Variants in PAPPA observed in about 807,000 individuals in gnomAD.
PAPPA encodes pappalysin 1.
Under a neutral mutation model 164.0 loss-of-function variants are expected in PAPPA, and 60 were observed. The ratio of observed to expected loss-of-function variants is 0.37; its 90% CI spans 0.30 to 0.45. PAPPA has a LOEUF of 0.45. PAPPA is among the 20% of genes least tolerant of loss of function. The probability of loss-of-function intolerance (pLI) is 1.00; values close to 1 mark genes in which losing one functional copy is unlikely to be tolerated. For synonymous variants in PAPPA, 875 were observed against 814.1 expected, an observed-to-expected ratio of 1.07 and a Z score of -1.27; for missense variants, 1,782 against 2,087.3, an observed-to-expected ratio of 0.85 and a Z score of 2.85.
intron 9 of PAPPA, among the ~76,000 whole-genome samples, chr9:116,291,211 T>A (rs898062765): frequency 2.0e-5 from 3 of 152,298 alleles, no homozygotes; most frequent in Non-Finnish European, 4.4e-5. Flanking sequence ...GACTGTCAAA[T>A]CTCTTTATTA....
At position 116,154,111 on chromosome 9, in the gene PAPPA, C is replaced by T; in HGVS notation, c.-62C>T. The T allele has an allele frequency of 8.5e-7, 1 of 1,177,930 alleles. No individual in the cohort carries two copies. Among genetic ancestry groups the T allele is most frequent in the South Asian group, 1.6e-5 (1 of 61,394 alleles). 73.0% of individuals were successfully genotyped at this position (1,177,930 alleles called of 1,614,324 possible). A position where few individuals can be genotyped will look rare whatever the true frequency, so the allele number is the denominator to read the frequency against. ...AAGAAAGTCGAGGCGCCGAGGCTCC[C>T]AAAGCTGGCAGCTCCGGGTGGCGGT... On this transcript the variant is annotated 5_prime_UTR_variant, in exon 1 of 22. Coordinates refer to ENST00000328252, the MANE Select transcript of PAPPA (RefSeq NM_002581.5). This position sits in a 1 kb window ranked among gnomAD's most constrained non-coding sequence, Gnocchi z 5.2.
intron 17 of PAPPA, among the ~76,000 whole-genome samples, chr9:116,354,869 G>A (rs1294255732): frequency 6.6e-6 from 1 of 152,022 alleles, no homozygotes; most frequent in Non-Finnish European, 1.5e-5. Context: ...TTAGGATAAA[G>A]TCCCAACTCC....
chr9:116,305,717 A>G (rs1034645573), intron 10 of PAPPA, among the ~76,000 whole-genome samples: 1 of 152,238 alleles, frequency 6.6e-6, no homozygotes, highest in African/African-American at 2.4e-5. Context: ...TACATGGTCC[A>G]TAAGGGAAGA....
chr9:116,207,375 A>T, intron 2 of PAPPA, 81 bp from the exon 3 acceptor site: 2 of 1,187,238 alleles, frequency 1.7e-6, no homozygotes, highest in Non-Finnish European at 2.4e-6. Flanking sequence ...CCTGGCACTC[A>T]TAGTAGCTCT....
intron 9 of PAPPA, among the ~76,000 whole-genome samples, chr9:116,291,929 A>G (rs1845441821): frequency 6.6e-6 from 1 of 152,192 alleles, no homozygotes; most frequent in South Asian, 2.1e-4. Flanking sequence ...GGAGGATTAG[A>G]ATGTGAATTA....
chr9:116,317,639 C>T (rs888689474), intron 10 of PAPPA, among the ~76,000 whole-genome samples: 11 of 152,342 alleles, frequency 7.2e-5, no homozygotes, highest in Admixed American at 1.3e-4. Flanking sequence ...ATGGTGTTTT[C>T]GTATTCTGGT....
At chr9:116,292,383 TG>T (rs1845447507) in intron 9 of PAPPA, among the ~76,000 whole-genome samples, 1 of 152,186 alleles carries the variant, frequency 6.6e-6, no homozygotes, top group Admixed American at 6.5e-5. Flanking sequence ...GCAGTGATGT[TG>T]GCTTGAACTA....
Position 116,227,691 on chromosome 9 carries a change from T to G in PAPPA, c.2233+139T>G, listed in dbSNP as rs914251480. ...GAGTAACATCATCCTGCAAGGTTAG[T>G]AGTCAAGCGCTCATCCATTTGACAA... On this transcript the variant is annotated intron_variant, in intron 6 of 21. Coordinates refer to ENST00000328252, the MANE Select transcript of PAPPA (RefSeq NM_002581.5). 2.2e-5 allele frequency: 20 copies of G among 895,572 alleles called. No individual in the cohort carries two copies. In the African/African-American group the frequency reaches 2.4e-4, roughly 11 times the overall value. The allele number at this position is 895,572 out of a possible 1,614,324, so 55.5% of individuals were successfully genotyped here. A position where few individuals can be genotyped will look rare whatever the true frequency, so the allele number is the denominator to read the frequency against.
At chr9:116,225,806 T>TATCCATCC (rs376275323) in intron 5 of PAPPA, among the ~76,000 whole-genome samples, 146 of 151,420 alleles carry the variant, frequency 9.6e-4, no homozygotes, top group East Asian at 6.2e-3. Flanking sequence ...AAGTGACTGG[T>TATCCATCC]ATCCATCCAT....
At chr9:116,288,174 GC>G (rs1564211552) in intron 9 of PAPPA, among the ~76,000 whole-genome samples, 1 of 152,112 alleles carries the variant, frequency 6.6e-6, no homozygotes, top group African/African-American at 2.4e-5. Context: ...TTTAAGACAA[GC>G]CTGACAAACA....
intron 10 of PAPPA, among the ~76,000 whole-genome samples, chr9:116,307,631 C>A (rs556496158): frequency 6.6e-6 from 1 of 152,036 alleles, no homozygotes; most frequent in South Asian, 2.1e-4. Context: ...AAATACAAAC[C>A]ATACTATACC....
chr9:116,291,782 G>A (rs761461181), intron 9 of PAPPA, among the ~76,000 whole-genome samples: 2 of 151,654 alleles, frequency 1.3e-5, no homozygotes, highest in African/African-American at 2.4e-5. Flanking sequence ...TGTGTTGGTT[G>A]TATGGGAGCA....
At chr9:116,350,771 C>A (rs780621618) in intron 15 of PAPPA, among the ~76,000 whole-genome samples, 9 of 152,120 alleles carry the variant, frequency 5.9e-5, no homozygotes, top group Non-Finnish European at 1.2e-4. Context: ...AAGGGCAATG[C>A]AAAAAGAAGT....
intron 10 of PAPPA, among the ~76,000 whole-genome samples, chr9:116,321,304 G>A (rs977569313): frequency 1.2e-4 from 18 of 152,198 alleles, no homozygotes; most frequent in Admixed American, 2.6e-4. Context: ...TGGGATTACA[G>A]GCGTGAGCCA....
At chr9:116,254,559 GAT>G (rs1844899357) in intron 7 of PAPPA, among the ~76,000 whole-genome samples, 1 of 152,090 alleles carries the variant, frequency 6.6e-6, no homozygotes, top group Non-Finnish European at 1.5e-5. Context: ...AGGGTGGGCG[GAT>G]CACAAGGTCA....
In PAPPA at chr9:116,352,927, T is replaced by C. The variant is rs765012985; in HGVS notation, c.4175+11T>C. 1 of 1,605,990 alleles carries C rather than the reference T, an allele frequency of 6.2e-7. No homozygotes were observed. The highest frequency in any genetic ancestry group is 8.5e-7 in the Non-Finnish European group (1 of 1,173,218). On this transcript the variant is annotated intron_variant, in intron 16 of 21. Transcript: ENST00000328252. ...TCGGAAGTCAAAGAAGTAAGTGGGG[T>C]TGGAAATGCAAACTTATGGTCTCTG...
chr9:116,293,915 A>G (rs1845469193), intron 9 of PAPPA, among the ~76,000 whole-genome samples: 1 of 152,224 alleles, frequency 6.6e-6, no homozygotes, highest in Non-Finnish European at 1.5e-5. Flanking sequence ...GCACCATTGC[A>G]CTTCAGCCTG....
intron 12 of PAPPA, chr9:116,332,955 A>C (rs1290848686): frequency 6.5e-6 from 1 of 153,348 alleles, no homozygotes; most frequent in African/African-American, 2.4e-5. Flanking sequence ...TCACCAGTAC[A>C]ACCTCTGGAG....
intron 3 of PAPPA, among the ~76,000 whole-genome samples, chr9:116,211,167 G>A (rs1056248772): frequency 3.3e-5 from 5 of 152,160 alleles, no homozygotes; most frequent in South Asian, 2.1e-4. Context: ...TACTCCACTC[G>A]ATGTCACAGA....
Sources: gnomAD v4.1 joint callset for allele counts (sites outside exome capture counted in the v4.1 genomes callset) on GRCh38, gnomAD v4.1.1 for gene constraint, Gnocchi (gnomAD v3.1) non-coding constraint, MANE v1.5 for transcripts, NCBI Gene and HGNC (gene_info 2026-07-23, HGNC 2026-07-21) for gene names.